FGF14: variants seen among roughly 807,000 people sequenced by gnomAD.
FGF14 encodes the protein fibroblast growth factor homologous factor 4.
FGF14 carries 5 observed loss-of-function variants against 25.5 expected under a neutral mutation model. The ratio of observed to expected loss-of-function variants is 0.20; its 90% CI spans 0.10 to 0.41. The LOEUF is 0.41. FGF14 is among the 10% of genes least tolerant of loss of function. The pLI is 1.00. For synonymous variants in FGF14, 138 were observed against 118.3 expected, an observed-to-expected ratio of 1.17 and a Z score of -1.08; for missense variants, 222 against 320.1, an observed-to-expected ratio of 0.69 and a Z score of 2.34.
At chr13:101,941,775 CAT>C (rs1186236055) in intron 1 of FGF14, among the ~76,000 whole-genome samples, 1 of 152,176 alleles carries the variant, frequency 6.6e-6, no homozygotes, top group African/African-American at 2.4e-5. Context: ...TTCCCATTCC[CAT>C]AGTCTTCTAC....
At chr13:102,267,447 A>C (rs1300826538) in intron 1 of FGF14, among the ~76,000 whole-genome samples, 1 of 152,232 alleles carries the variant, frequency 6.6e-6, no homozygotes, top group Non-Finnish European at 1.5e-5. Context: ...ATACTCAGCC[A>C]AGATTTTTCA....
rs150172940 is a variant in FGF14 at position 102,135,423 on chromosome 13, G to C, written c.209-260127C>G. On this transcript the variant is annotated intron_variant, in intron 1 of 4. Transcript: ENST00000376131. ...AGCATTTAGTTTCTACAAGCCATAC[G>C]AACAAATAGCACATTTACAGGAATG... 1.3e-4 allele frequency among the ~76,000 whole-genome samples: 20 copies of C among 152,150 alleles called. No homozygotes were observed. In the East Asian group the frequency reaches 3.9e-3, roughly 29 times the overall value.
intron 1 of FGF14, among the ~76,000 whole-genome samples, chr13:102,290,632 G>A (rs2054337696): frequency 6.6e-6 from 1 of 152,124 alleles, no homozygotes; most frequent in African/African-American, 2.4e-5. Context: ...TTCTAGTGCT[G>A]TGCCTGAGCC....
At chr13:102,311,690 T>C (rs1448288509) in intron 1 of FGF14, among the ~76,000 whole-genome samples, 1 of 152,168 alleles carries the variant, frequency 6.6e-6, no homozygotes, top group Non-Finnish European at 1.5e-5. Flanking sequence ...ACAGGATATT[T>C]GAAACGAACA....
chr13:101,891,690 A>G (rs1472466287), intron 1 of FGF14, among the ~76,000 whole-genome samples: 2 of 152,080 alleles, frequency 1.3e-5, no homozygotes, highest in Non-Finnish European at 2.9e-5. Context: ...ATATATATAC[A>G]TACATACATA....
intron 1 of FGF14, among the ~76,000 whole-genome samples, chr13:102,010,006 A>G (rs2039997677): frequency 6.6e-6 from 1 of 152,216 alleles, no homozygotes; most frequent in South Asian, 2.1e-4. Context: ...GATGAAAATA[A>G]TATACCTAGA....
At chr13:101,724,091 A>G (rs73564291) in intron 4 of FGF14, among the ~76,000 whole-genome samples, 1,973 of 152,094 alleles carry the variant, frequency 0.013, 46 homozygotes, top group African/African-American at 0.044. Context: ...AAGGTAGCAA[A>G]AGGAACTAAT....
chr13:102,283,220 A>G (rs573495579), intron 1 of FGF14, among the ~76,000 whole-genome samples: 105 of 152,222 alleles, frequency 6.9e-4, no homozygotes, highest in Non-Finnish European at 1.1e-3. Context: ...CACTATTTTC[A>G]CTGAAATTCC....
Position 102,024,808 on chromosome 13 carries a change from G to C in FGF14, c.209-149512C>G, listed in dbSNP as rs4627185. Reference sequence around the variant, plus strand: ...TAACTTCAATCTTTTTCATGTGGCTGTTCAGTTATTCCAGCACCATTTGTT... The same window carrying C: ...TAACTTCAATCTTTTTCATGTGGCTCTTCAGTTATTCCAGCACCATTTGTT... On this transcript the variant is annotated intron_variant, in intron 1 of 4. Coordinates refer to the FGF14 transcript ENST00000376131. 1.5e-3 allele frequency among the ~76,000 whole-genome samples: 226 copies of C among 151,842 alleles called. 3 individuals carry two copies. The highest frequency in any genetic ancestry group is 0.013 in the Admixed American group (198 of 15,226).
chr13:101,802,070 A>C (rs1013795059), intron 3 of FGF14: 1 of 322,558 alleles, frequency 3.1e-6, no homozygotes, highest in African/African-American at 2.2e-5. Context: ...TAAAATGGCA[A>C]AGGCAGAAAA....
intron 1 of FGF14, among the ~76,000 whole-genome samples, chr13:102,285,698 G>A (rs1256828773): frequency 6.6e-6 from 1 of 152,122 alleles, no homozygotes; most frequent in Non-Finnish European, 1.5e-5. Flanking sequence ...TTAATACATT[G>A]ATAGCATTTA....
chr13:102,001,880 C>T (rs1322114043), intron 1 of FGF14, among the ~76,000 whole-genome samples: 1 of 152,154 alleles, frequency 6.6e-6, no homozygotes, highest in Non-Finnish European at 1.5e-5. Flanking sequence ...GTGTCCTGTG[C>T]CCCTCATTTA....
intron 1 of FGF14, among the ~76,000 whole-genome samples, chr13:102,153,187 C>T (rs1033017102): frequency 8.5e-5 from 13 of 152,170 alleles, no homozygotes; most frequent in African/African-American, 2.7e-4. Context: ...GGAGAAAGAA[C>T]ATCATAGACA....
chr13:101,902,115 G>T (rs1462269986), intron 1 of FGF14, among the ~76,000 whole-genome samples: 1 of 152,070 alleles, frequency 6.6e-6, no homozygotes, highest in Non-Finnish European at 1.5e-5. Context: ...AACATTCTTA[G>T]ATTATTCAAA....
At chr13:102,076,154 T>G (rs1038939077) in intron 1 of FGF14, among the ~76,000 whole-genome samples, 2 of 152,218 alleles carry the variant, frequency 1.3e-5, no homozygotes, top group Non-Finnish European at 2.9e-5. Context: ...TACAGTAGTA[T>G]GTCCTAGGCC....
At chr13:102,322,929 T>TAAGCTA (rs1354506910) in intron 1 of FGF14, among the ~76,000 whole-genome samples, 6 of 151,912 alleles carry the variant, frequency 3.9e-5, no homozygotes, top group East Asian at 3.9e-4. Flanking sequence ...AAACAAAGTA[T>TAAGCTA]AAGCTAAAGA....
intron 2 of FGF14, among the ~76,000 whole-genome samples, chr13:101,872,975 A>C (rs747165512): frequency 5.9e-5 from 9 of 152,084 alleles, no homozygotes; most frequent in Admixed American, 1.3e-4. Flanking sequence ...AGAGTGTCAG[A>C]AGAAATTTCA....
At chr13:102,154,348 T>A (rs1341313019) in intron 1 of FGF14, among the ~76,000 whole-genome samples, 5 of 150,938 alleles carry the variant, frequency 3.3e-5, no homozygotes, top group Admixed American at 6.6e-5. Flanking sequence ...CAGAAGAGAG[T>A]GGGGGCCAAT....
chr13:102,027,721 G>T (rs991533873), intron 1 of FGF14, among the ~76,000 whole-genome samples: 1 of 152,012 alleles, frequency 6.6e-6, no homozygotes, highest in African/African-American at 2.4e-5. Context: ...TTAGAGAAGA[G>T]AATAGTTTAG....
Sources: allele counts gnomAD v4.1 joint callset (sites outside exome capture counted in the v4.1 genomes callset), GRCh38; gene constraint gnomAD v4.1.1; transcripts MANE v1.5; gene names NCBI Gene and HGNC (gene_info 2026-07-23, HGNC 2026-07-21).